The following FBXW7 variants were observed in gnomAD, a reference collection of about 807,000 sequenced individuals.
FBXW7 encodes F-box and WD repeat domain containing 7, also known as F-box/WD repeat-containing protein 7.
In FBXW7, 11 loss-of-function variants were observed where a neutral mutation model predicts 86.3. That is an observed-to-expected ratio of 0.13 (90% confidence interval 0.08 to 0.21). The LOEUF (loss-of-function observed/expected upper bound fraction) is 0.21, where lower values mean the gene tolerates loss of function less well. FBXW7 is among the 10% of genes least tolerant of loss of function. The pLI, the probability that FBXW7 is intolerant of heterozygous loss-of-function variation, is 1.00. For synonymous variants in FBXW7, 313 were observed against 297.9 expected (o/e 1.05, Z -0.52); for missense variants, 488 against 847.4 (o/e 0.58, Z 5.27).
chr4:152,382,810 A>G (rs1404129850), intron 4 of FBXW7, among the ~76,000 whole-genome samples: 1 of 152,166 alleles, frequency 6.6e-6, no homozygotes, highest in African/African-American at 2.4e-5. Context: ...GTCAGCATTA[A>G]TATTTTAGGA....
Position 152,322,675 on chromosome 4 carries a change from C to G in FBXW7, c.*206G>C. 1.3e-6 allele frequency: 1 copy of G among 787,666 alleles called. No homozygotes were observed. Among genetic ancestry groups the G allele is most frequent in the Non-Finnish European group, 1.9e-6 (1 of 534,364 alleles). The allele number at this position is 787,666 out of a possible 1,614,324, so 48.8% of individuals were successfully genotyped here. A position where few individuals can be genotyped will look rare whatever the true frequency, so the allele number is the denominator to read the frequency against. On this transcript the variant is annotated 3_prime_UTR_variant, in exon 14 of 14. Transcript: ENST00000281708. ...GCCTTTTATGTGATGAGACAGCAGA[C>G]GCCTCTCTTGTCAGTTATGGTTTGT... is the stretch of plus-strand genomic sequence containing the variant.
chr4:152,501,625 C>G (rs1410942333), intron 2 of FBXW7, among the ~76,000 whole-genome samples: 1 of 152,146 alleles, frequency 6.6e-6, no homozygotes, highest in African/African-American at 2.4e-5. Context: ...CTGAGCTCCA[C>G]TGAAAATCTT....
chr4:152,417,100 G>A (rs1165292172), intron 2 of FBXW7, among the ~76,000 whole-genome samples: 2 of 151,874 alleles, frequency 1.3e-5, no homozygotes, highest in East Asian at 3.9e-4. Flanking sequence ...TTGTTGTTTC[G>A]TTGAAAGTCA....
At chr4:152,453,174 A>G (rs187144855) in intron 2 of FBXW7, among the ~76,000 whole-genome samples, 1 of 152,318 alleles carries the variant, frequency 6.6e-6, no homozygotes, top group African/African-American at 2.4e-5. Flanking sequence ...ACAGAGTGAG[A>G]CTGTTTCAGA....
intron 4 of FBXW7, among the ~76,000 whole-genome samples, chr4:152,389,578 T>C (rs1735827969): frequency 6.6e-6 from 1 of 151,996 alleles, no homozygotes; most frequent in East Asian, 1.9e-4. Context: ...ACATGGAGTG[T>C]GTAGTAATAG....
chr4:152,529,391 A>G (rs1041618969), intron 2 of FBXW7, among the ~76,000 whole-genome samples: 4 of 152,198 alleles, frequency 2.6e-5, no homozygotes, highest in Non-Finnish European at 5.9e-5. Flanking sequence ...GTAAATTGTT[A>G]GTTCAATTTA....
In FBXW7 at chr4:152,505,136, T is replaced by G. The variant is rs1035327711; in HGVS notation, c.-120+29805A>C. 2.6e-5 allele frequency among the ~76,000 whole-genome samples: 4 copies of G among 152,178 alleles called. No individual in the cohort carries two copies. In the South Asian group the frequency reaches 8.3e-4, roughly 32 times the overall value. On this transcript the variant is annotated intron_variant, in intron 2 of 13. Transcript: ENST00000281708. ...TGTATGCAACTGTAGCACAATGATA[T>G]TAACACATCTAAATATATAAAAGGT... is the stretch of plus-strand genomic sequence containing the variant.
chr4:152,462,124 C>T (rs1020402468), intron 2 of FBXW7, among the ~76,000 whole-genome samples: 5 of 152,158 alleles, frequency 3.3e-5, no homozygotes, highest in Admixed American at 6.5e-5. Flanking sequence ...CAGGGCATCC[C>T]CTCTGCACCT....
intron 2 of FBXW7, among the ~76,000 whole-genome samples, chr4:152,462,174 A>G (rs1006638590): frequency 1.3e-5 from 2 of 152,148 alleles, no homozygotes; most frequent in African/African-American, 2.4e-5. Context: ...GGCAGAGATT[A>G]TACTGAGATG....
At chr4:152,503,568 G>A (rs1220208966) in intron 2 of FBXW7, among the ~76,000 whole-genome samples, 2 of 151,614 alleles carry the variant, frequency 1.3e-5, no homozygotes, top group South Asian at 2.1e-4. Context: ...CACCGTGCCC[G>A]GCCCCAATTA....
intron 7 of FBXW7, among the ~76,000 whole-genome samples, chr4:152,336,564 TGTAA>T (rs936764722): frequency 3.9e-5 from 6 of 152,176 alleles, no homozygotes; most frequent in African/African-American, 9.6e-5. Context: ...CAAATACTTA[TGTAA>T]GTGTTTCCCA....
At chr4:152,531,196 C>T (rs1049084867) in intron 2 of FBXW7, among the ~76,000 whole-genome samples, 1 of 152,214 alleles carries the variant, frequency 6.6e-6, no homozygotes, top group African/African-American at 2.4e-5. Flanking sequence ...CTATAAGTGG[C>T]TGCCTTCTAA....
chr4:152,504,841 A>G (rs1182362507), intron 2 of FBXW7, among the ~76,000 whole-genome samples: 1 of 152,184 alleles, frequency 6.6e-6, no homozygotes, highest in Non-Finnish European at 1.5e-5. Context: ...TTATGTTGAA[A>G]TGGTAATATC....
At chr4:152,511,381 C>T (rs190421618) in intron 2 of FBXW7, among the ~76,000 whole-genome samples, 32 of 134,004 alleles carry the variant, frequency 2.4e-4, no homozygotes, top group African/African-American at 7.9e-4. Context: ...TCCATTTTTT[C>T]ATCTATAAAC....
chr4:152,370,281 T>C lies in FBXW7; in HGVS notation c.502-20157A>G, dbSNP rs1733894525. Among the ~76,000 whole-genome samples the C allele has an allele frequency of 3.9e-5, 6 of 151,998 alleles. No homozygotes were observed. The South Asian group carries it at 1.2e-3, about 31-fold the overall frequency. On this transcript the variant is annotated intron_variant, in intron 4 of 13. Coordinates refer to ENST00000281708, the MANE Select transcript of FBXW7 (RefSeq NM_001349798.2). ...CAAGACTAGCAAAGGAGAAGAAATTTAAGAAAATCCCATTCAACATTACCA... is the reference window on the plus strand; with the variant it reads ...CAAGACTAGCAAAGGAGAAGAAATTCAAGAAAATCCCATTCAACATTACCA...
At chr4:152,449,485 GATGTA>G (rs1366691734) in intron 2 of FBXW7, among the ~76,000 whole-genome samples, 1 of 152,096 alleles carries the variant, frequency 6.6e-6, no homozygotes, top group Non-Finnish European at 1.5e-5. Flanking sequence ...TGCAGATAAT[GATGTA>G]ATAAACAAGC....
At chr4:152,400,110 T>A (rs1736781806) in intron 4 of FBXW7, among the ~76,000 whole-genome samples, 1 of 152,094 alleles carries the variant, frequency 6.6e-6, no homozygotes, top group Non-Finnish European at 1.5e-5. Context: ...TAAAAGTAGA[T>A]GAATGGAACA....
At chr4:152,498,286 T>C (rs1361063956) in intron 2 of FBXW7, among the ~76,000 whole-genome samples, 2 of 107,676 alleles carry the variant, frequency 1.9e-5, no homozygotes, top group Non-Finnish European at 3.4e-5. Flanking sequence ...TAGAAGGCTT[T>C]TGTCAAGGCA....
intron 2 of FBXW7, among the ~76,000 whole-genome samples, chr4:152,418,275 G>T (rs931917218): frequency 4.6e-5 from 7 of 152,078 alleles, no homozygotes; most frequent in African/African-American, 1.4e-4. Context: ...AATGGCTGTA[G>T]AAACTAGCCT....
Sources: gnomAD v4.1 joint callset for allele counts (sites outside exome capture counted in the v4.1 genomes callset) on GRCh38, gnomAD v4.1.1 for gene constraint, MANE v1.5 for transcripts, NCBI Gene and HGNC (gene_info 2026-07-23, HGNC 2026-07-21) for gene names.